MYH9: variants seen among roughly 807,000 people sequenced by gnomAD.
MYH9 encodes myosin heavy chain 9, also known as myosin-9.
In MYH9, 29 loss-of-function variants were observed where a neutral mutation model predicts 241.9. The ratio of observed to expected loss-of-function variants is 0.12; its 90% CI spans 0.09 to 0.16. The LOEUF is 0.16. MYH9 is among the 10% of genes least tolerant of loss of function. The pLI is 1.00. For synonymous variants in MYH9, 1,047 were observed against 1,062.6 expected (o/e 0.99, Z 0.29); for missense variants, 1,803 against 2,595.5 (o/e 0.69, Z 6.63).
chr22:36,346,403 T>C (rs2017678937), intron 2 of MYH9, among the ~76,000 whole-genome samples: 1 of 152,196 alleles, frequency 6.6e-6, no homozygotes, highest in Non-Finnish European at 1.5e-5. Context: ...CTCAGAAGCA[T>C]GAGTCTACCT....
chr22:36,379,698 C>T (rs2018225495), intron 1 of MYH9, among the ~76,000 whole-genome samples: 1 of 152,168 alleles, frequency 6.6e-6, no homozygotes, highest in Non-Finnish European at 1.5e-5. Flanking sequence ...GGCCTTAGCC[C>T]AACCTGCACG....
In MYH9 at chr22:36,282,759, G is replaced by A; in HGVS notation, c.5792C>T (p.Pro1931Leu). Residue 1931 changes from proline to leucine, a missense_variant, in exon 41 of 41, where the codon CCC (proline) becomes CTC (leucine). Pro to Leu is a moderately conservative substitution (Grantham distance 98). This residue lies in a region of MYH9 where 876 missense variants were observed against 1,077.8 expected (regional missense o/e 0.81). Coordinates refer to ENST00000216181, the MANE Select transcript of MYH9 (RefSeq NM_002473.6). ...GGCGCCTTTCCGGGCCATTCGGCGG[G>A]GCACGACAAACGGCAGGTCCCCGCG... Reference protein sequence around the residue: ...LRRGDLPFVVPRRMARKGAGD... With the variant: ...LRRGDLPFVVLRRMARKGAGD... 1 of 1,612,898 alleles carries A rather than the reference G, an allele frequency of 6.2e-7. No homozygotes were observed. The highest frequency in any genetic ancestry group is 1.1e-5 in the South Asian group (1 of 91,086).
chr22:36,358,923 C>A (rs189841149), intron 1 of MYH9, among the ~76,000 whole-genome samples: 1 of 152,206 alleles, frequency 6.6e-6, no homozygotes, highest in East Asian at 1.9e-4. Flanking sequence ...TAGGACCCCA[C>A]CCATTCATCT....
Position 36,306,398 on chromosome 22 carries a change from C to A in MYH9, c.2037+16G>T, listed in dbSNP as rs1373838837. ...CCACAGTGCCCTGCCCGGGCCACCC[C>A]ACCAGGCAGCCGCACCTTCTTCTCG... On this transcript the variant is annotated intron_variant, in intron 16 of 40. Transcript: ENST00000216181. The surrounding 1 kb of genome is among the most constrained non-coding windows in gnomAD (Gnocchi z 4.1). The A allele has an allele frequency of 1.1e-5, 18 of 1,614,000 alleles. No individual in the cohort carries two copies. The highest frequency in any genetic ancestry group is 1.5e-5 in the Non-Finnish European group (18 of 1,180,012).
chr22:36,386,838 G>C (rs2018359384), intron 1 of MYH9, among the ~76,000 whole-genome samples: 1 of 152,258 alleles, frequency 6.6e-6, no homozygotes, highest in Non-Finnish European at 1.5e-5. Flanking sequence ...AACAGGATGG[G>C]GTGAGGACCC....
chr22:36,320,892 A>G lies in MYH9; in HGVS notation c.774T>C (p.Leu258=), dbSNP rs2017239243. Residue 258 remains leucine (L), a synonymous_variant, in exon 8 of 41, where the codon CTT becomes CTC. Transcript: ENST00000216181. This position sits in a 1 kb window ranked among gnomAD's most constrained non-coding sequence, Gnocchi z 4.8. ...GGCGGATAGCACGAGATTTCTCCAAAAGATCTTTGCAAATATTAAGGAGCA... is the reference window on the plus strand; with the variant it reads ...GGCGGATAGCACGAGATTTCTCCAAGAGATCTTTGCAAATATTAAGGAGCA... ...YIVGANIETY[L]LEKSRAIRQA... The G allele has an allele frequency of 3.1e-6, 5 of 1,613,366 alleles. No homozygotes were observed. The highest frequency in any genetic ancestry group is 1.1e-5 in the South Asian group (1 of 91,078).
In MYH9 at chr22:36,341,475, T is replaced by C. The variant is rs748614086; in HGVS notation, c.385A>G (p.Ile129Val). 1.9e-6 allele frequency: 3 copies of C among 1,614,116 alleles called. No homozygotes were observed. The highest frequency in any genetic ancestry group is 2.2e-5 in the East Asian group (1 of 44,900). ...ATTTCCACAATCTCTTCAGAGTAGA[T>C]GGGCAGGTTCTTGTAAGGATTGATG... ...VVINPYKNLP[I>V]YSEEIVEMYK... Residue 129 changes from isoleucine to valine, a missense_variant, in exon 3 of 41, where the codon ATC becomes GTC. Ile to Val is a conservative substitution (Grantham distance 29). Coordinates refer to ENST00000216181, the MANE Select transcript of MYH9 (RefSeq NM_002473.6).
intron 19 of MYH9, among the ~76,000 whole-genome samples, chr22:36,302,925 G>A (rs2016905163): frequency 6.6e-6 from 1 of 152,208 alleles, no homozygotes; most frequent in Non-Finnish European, 1.5e-5. Flanking sequence ...CTCCACTGAG[G>A]TGCCCATGGG....
chr22:36,318,856 T>G (rs929366040), intron 10 of MYH9, among the ~76,000 whole-genome samples: 1 of 151,996 alleles, frequency 6.6e-6, no homozygotes, highest in African/African-American at 2.4e-5. Context: ...CCCTACCTCC[T>G]GGCTTCAAGC....
intron 3 of MYH9, among the ~76,000 whole-genome samples, chr22:36,335,073 C>T (rs2146378031): frequency 6.6e-6 from 1 of 152,266 alleles, no homozygotes; most frequent in East Asian, 1.9e-4. Context: ...CTATCAAAGG[C>T]CCGTACCCAC....
intron 13 of MYH9, 125 bp from the exon 14 acceptor site, chr22:36,312,347 A>G: frequency 1.1e-6 from 1 of 943,410 alleles, no homozygotes; most frequent in Non-Finnish European, 1.6e-6. Context: ...CACACTCCCC[A>G]GGAGAAGCAA....
intron 5 of MYH9, among the ~76,000 whole-genome samples, chr22:36,326,280 C>T (rs958277768): frequency 2.0e-5 from 3 of 152,240 alleles, no homozygotes; most frequent in African/African-American, 7.2e-5. Context: ...GGAGGACACA[C>T]AGCAACGAGC....
chr22:36,356,826 A>C (rs552056552), intron 1 of MYH9, among the ~76,000 whole-genome samples: 1 of 152,310 alleles, frequency 6.6e-6, no homozygotes, highest in South Asian at 2.1e-4. Flanking sequence ...AGTAGACAGA[A>C]AGCAAGCTCC....
rs779403059 is a variant in MYH9, at chr22:36,285,116, C to G, written c.5483+5G>C. The G allele has an allele frequency of 2.5e-6, 4 of 1,613,618 alleles. No homozygotes were observed. Among genetic ancestry groups the G allele is most frequent in the Non-Finnish European group, 2.5e-6 (3 of 1,179,954 alleles). ...CTGGGGTTGGGCGGGGCCAGGGGCACGTACTTGGTCTCGTTGTCCAGCTGC... is the reference window on the plus strand; with the variant it reads ...CTGGGGTTGGGCGGGGCCAGGGGCAGGTACTTGGTCTCGTTGTCCAGCTGC... On this transcript the variant is annotated splice_donor_5th_base_variant and intron_variant, in intron 38 of 40. Coordinates refer to ENST00000216181, the MANE Select transcript of MYH9 (RefSeq NM_002473.6). This position sits in a 1 kb window ranked among gnomAD's most constrained non-coding sequence, Gnocchi z 7.0.
In MYH9 at chr22:36,314,208, G is replaced by A. The variant is rs146487404; in HGVS notation, c.1491C>T (p.Ile497=). The change falls in exon 13 of 41, where the codon ATC becomes ATT. Residue 497 remains isoleucine, a synonymous_variant. Coordinates refer to ENST00000216181, the MANE Select transcript of MYH9 (RefSeq NM_002473.6). ...LEQEEYQREG[I]EWNFIDFGLD... is the part of the protein sequence containing the mutation. ...GGCCAAAGTCGATGAAGTTCCACTC[G>A]ATGCCCTCGCGCTGGTACTCCTCCT... 55 of 1,614,124 alleles carry A rather than the reference G, an allele frequency of 3.4e-5. 1 individual carries two copies. In the African/African-American group the frequency reaches 4.0e-4, roughly 12 times the overall value.
chr22:36,337,539 C>T (rs1295658919), intron 3 of MYH9, among the ~76,000 whole-genome samples: 1 of 152,196 alleles, frequency 6.6e-6, no homozygotes, highest in Non-Finnish European at 1.5e-5. Context: ...TCAAAGAGCT[C>T]CTCTCCTACA....
intron 5 of MYH9, chr22:36,325,230 C>T: frequency 1.5e-6 from 1 of 655,776 alleles, no homozygotes; most frequent in Non-Finnish European, 2.7e-6. Flanking sequence ...CTAAATATAA[C>T]TCCTGACGCC....
intron 1 of MYH9, among the ~76,000 whole-genome samples, chr22:36,358,117 T>C (rs183925240): frequency 6.6e-6 from 1 of 152,082 alleles, no homozygotes; most frequent in Admixed American, 6.6e-5. Flanking sequence ...CAGGCTGGAA[T>C]GCAGTGGCGT....
chr22:36,314,640 G>T (rs1279358006), intron 12 of MYH9, among the ~76,000 whole-genome samples: 2 of 149,922 alleles, frequency 1.3e-5, no homozygotes, highest in East Asian at 2.0e-4. Context: ...GTAATACATT[G>T]TTTTTTTTTT....
Sources: gnomAD v4.1 joint callset for allele counts (sites outside exome capture counted in the v4.1 genomes callset) on GRCh38, gnomAD v4.1.1 for gene constraint, gnomAD v4.1.1 regional missense constraint, Gnocchi (gnomAD v3.1) non-coding constraint, MANE v1.5 for transcripts, NCBI Gene and HGNC (gene_info 2026-07-23, HGNC 2026-07-21) for gene names.